The following PTCHD4 variants were observed in gnomAD, a reference collection of about 807,000 sequenced individuals.
PTCHD4 encodes the protein patched domain-containing protein 4.
A neutral mutation model predicts 58.1 loss-of-function variants in PTCHD4; 33 were observed. The observed-to-expected ratio is 0.57, with a 90% CI of 0.43 to 0.76. The LOEUF (loss-of-function observed/expected upper bound fraction) is 0.76. Ranked by LOEUF, PTCHD4 falls within the 30% of genes least tolerant of loss-of-function variation. The pLI is 0.00. For synonymous variants in PTCHD4, 478 were observed against 409.6 expected, an observed-to-expected ratio of 1.17 and a Z score of -2.02; for missense variants, 1,058 against 1,027.1, an observed-to-expected ratio of 1.03 and a Z score of -0.41.
intron 4 of PTCHD4, among the ~76,000 whole-genome samples, chr6:47,989,711 T>G (rs1768210641): frequency 6.6e-6 from 1 of 152,170 alleles, no homozygotes; most frequent in Non-Finnish European, 1.5e-5. Flanking sequence ...GGAAGATGTA[T>G]GGAAACACCT....
At chr6:48,043,148 A>G (rs1011414147) in intron 3 of PTCHD4, among the ~76,000 whole-genome samples, 39 of 151,966 alleles carry the variant, frequency 2.6e-4, no homozygotes, top group Non-Finnish European at 2.4e-4. Context: ...ACACACACAA[A>G]CCAATGTATT....
intron 3 of PTCHD4, among the ~76,000 whole-genome samples, chr6:48,033,323 A>T (rs1763516649): frequency 6.6e-6 from 1 of 152,018 alleles, no homozygotes; most frequent in Non-Finnish European, 1.5e-5. Context: ...ACCTCTGAAA[A>T]AAATGTGACA....
chr6:47,920,147 T>G (rs570371493), intron 4 of PTCHD4, among the ~76,000 whole-genome samples: 1 of 152,166 alleles, frequency 6.6e-6, no homozygotes, highest in African/African-American at 2.4e-5. Context: ...TAACACAGAC[T>G]GCTAGTGTGG....
chr6:47,910,929 G>A (rs1765048651), intron 4 of PTCHD4, among the ~76,000 whole-genome samples: 1 of 152,122 alleles, frequency 6.6e-6, no homozygotes, highest in Non-Finnish European at 1.5e-5. Flanking sequence ...CAGACATACA[G>A]GAGAGAACAA....
Position 47,886,930 on chromosome 6 carries a change from C to G in PTCHD4, c.899-6994G>C, listed in dbSNP as rs1172273877. 2.0e-5 allele frequency among the ~76,000 whole-genome samples: 3 copies of G among 152,346 alleles called. No individual in the cohort carries two copies. In the East Asian group the frequency reaches 5.8e-4, roughly 29 times the overall value. ...CTGCCCTGTATTCCAACCCAAATCA[C>G]AGTACTTACTATACGCTAGACTGAG... On this transcript the variant is annotated intron_variant, in intron 4 of 4. Coordinates refer to ENST00000339488, the MANE Select transcript of PTCHD4 (RefSeq NM_001384253.1).
At chr6:47,976,158 T>C (rs1027909064) in intron 4 of PTCHD4, among the ~76,000 whole-genome samples, 17 of 152,192 alleles carry the variant, frequency 1.1e-4, no homozygotes, top group Non-Finnish European at 2.1e-4. Flanking sequence ...AGGTATGATT[T>C]AGCAGCTAGA....
At chr6:47,886,525 C>G (rs1764199126) in intron 4 of PTCHD4, among the ~76,000 whole-genome samples, 1 of 152,090 alleles carries the variant, frequency 6.6e-6, no homozygotes, top group South Asian at 2.1e-4. Context: ...CCAAAGAAAG[C>G]TTACTACTTT....
chr6:47,972,094 T>C (rs1439310272), intron 4 of PTCHD4, among the ~76,000 whole-genome samples: 1 of 152,184 alleles, frequency 6.6e-6, no homozygotes, highest in Non-Finnish European at 1.5e-5. Context: ...ATTTAATAAA[T>C]GATGGTAAAA....
At chr6:47,988,091 T>G (rs1424815773) in intron 4 of PTCHD4, among the ~76,000 whole-genome samples, 1 of 152,104 alleles carries the variant, frequency 6.6e-6, no homozygotes, top group Non-Finnish European at 1.5e-5. Flanking sequence ...TCACATAACA[T>G]TTTATAGAAG....
chr6:48,039,116 A>G (rs1220587845), intron 3 of PTCHD4, among the ~76,000 whole-genome samples: 1 of 152,146 alleles, frequency 6.6e-6, no homozygotes, highest in Non-Finnish European at 1.5e-5. Context: ...TGGCAGTATT[A>G]TCTACAGTGG....
At chr6:47,886,070 G>C (rs1256232103) in intron 4 of PTCHD4, among the ~76,000 whole-genome samples, 1 of 151,290 alleles carries the variant, frequency 6.6e-6, no homozygotes, top group Non-Finnish European at 1.5e-5. Flanking sequence ...TGCCCGCCTC[G>C]GCCTCCCAAA....
intron 4 of PTCHD4, among the ~76,000 whole-genome samples, chr6:47,993,754 A>G (rs145399381): frequency 8.3e-4 from 127 of 152,306 alleles, no homozygotes; most frequent in African/African-American, 3.0e-3. Context: ...CCAGCAGGAC[A>G]TGGGGGTACT....
At chr6:48,033,098 T>C (rs911758001) in intron 3 of PTCHD4, among the ~76,000 whole-genome samples, 3 of 152,104 alleles carry the variant, frequency 2.0e-5, no homozygotes, top group Admixed American at 1.3e-4. Context: ...AAGAAACCAA[T>C]TGGTCTAATT....
chr6:47,967,278 TC>T (rs1309082175), intron 4 of PTCHD4, among the ~76,000 whole-genome samples: 3 of 152,222 alleles, frequency 2.0e-5, no homozygotes, highest in Non-Finnish European at 4.4e-5. Flanking sequence ...TTGAAAGGAC[TC>T]TTTTTCTAAG....
chr6:48,088,209 G>C (rs929709108), intron 1 of PTCHD4, among the ~76,000 whole-genome samples: 1 of 152,042 alleles, frequency 6.6e-6, no homozygotes, highest in African/African-American at 2.4e-5. Flanking sequence ...GTTTTTTAGA[G>C]GTCTCATTTG....
intron 3 of PTCHD4, among the ~76,000 whole-genome samples, chr6:48,059,616 C>T (rs910952628): frequency 2.6e-5 from 4 of 151,504 alleles, no homozygotes; most frequent in African/African-American, 4.9e-5. Flanking sequence ...TCAGTCTGGG[C>T]GACAGAGTGA....
chr6:47,891,367 G>C (rs73477508), intron 4 of PTCHD4, among the ~76,000 whole-genome samples: 9,844 of 151,676 alleles, frequency 0.065, 384 homozygotes, highest in Middle Eastern at 0.099. Context: ...AGACAACCTC[G>C]CAAAACAGCA....
intron 3 of PTCHD4, among the ~76,000 whole-genome samples, chr6:48,012,191 T>A (rs1762701430): frequency 1.3e-5 from 2 of 152,244 alleles, no homozygotes; most frequent in Admixed American, 1.3e-4. Context: ...TATTGATTCT[T>A]CCTATCCATG....
At chr6:48,084,040 A>T (rs900472787) in intron 1 of PTCHD4, among the ~76,000 whole-genome samples, 13 of 127,158 alleles carry the variant, frequency 1.0e-4, no homozygotes, top group African/African-American at 2.8e-4. Context: ...AGCAGTGATT[A>T]AAAAAAAAAC....
Sources: allele counts gnomAD v4.1 joint callset (sites outside exome capture counted in the v4.1 genomes callset), GRCh38; gene constraint gnomAD v4.1.1; transcripts MANE v1.5; gene names NCBI Gene and HGNC (gene_info 2026-07-23, HGNC 2026-07-21).